The following SLC28A3 variants were observed in gnomAD, a reference collection of about 807,000 sequenced individuals.
The protein encoded by SLC28A3 is solute carrier family 28 member 3, also known as concentrative Na(+)-nucleoside cotransporter 3.
SLC28A3 carries 68 observed loss-of-function variants against 84.2 expected under a neutral mutation model. The observed-to-expected ratio is 0.81, with a 90% CI of 0.66 to 0.99. The LOEUF is 0.99. Among genes scored for constraint, SLC28A3 ranks in the 50% least tolerant of loss-of-function variants. SLC28A3 has a pLI of 0.00. For missense variants in SLC28A3, 712 were observed against 841.5 expected, an observed-to-expected ratio of 0.85 and a Z score of 1.90; for synonymous variants, 267 against 303.6, an observed-to-expected ratio of 0.88 and a Z score of 1.25.
At chr9:84,326,909 G>A (rs1339958565) in intron 1 of SLC28A3, among the ~76,000 whole-genome samples, 1 of 152,080 alleles carries the variant, frequency 6.6e-6, no homozygotes, top group Non-Finnish European at 1.5e-5. Context: ...GGAGGCTGAG[G>A]CAGGAGAATC....
At position 84,285,444 on chromosome 9, in the gene SLC28A3, G is replaced by A; in HGVS notation, c.1548C>T (p.Phe516=). ...GCTCATAAGCCACAAATTCATTGAA[G>A]AAGGTCTTATAACCTATGAGTCTGG... The part of the protein sequence containing the change: ...MVARLIGYKT[F]FNEFVAYEHL... Residue 516 remains phenylalanine, a synonymous_variant, in exon 14 of 18, where the codon TTC becomes TTT. Transcript: ENST00000376238. 1 of 1,614,188 alleles carries A rather than the reference G, an allele frequency of 6.2e-7. No homozygotes were observed. Among genetic ancestry groups the A allele is most frequent in the Non-Finnish European group, 8.5e-7 (1 of 1,180,022 alleles).
intron 2 of SLC28A3, among the ~76,000 whole-genome samples, chr9:84,311,121 A>G (rs1825974878): frequency 6.6e-6 from 1 of 151,968 alleles, no homozygotes; most frequent in Non-Finnish European, 1.5e-5. Context: ...CACCCTGCCC[A>G]CTTCTCTACC....
chr9:84,278,348 G>A lies in SLC28A3; in HGVS notation c.1950-4C>T, dbSNP rs1421671587. 1 of 1,613,700 alleles carries A rather than the reference G, an allele frequency of 6.2e-7. No individual in the cohort carries two copies. Among genetic ancestry groups the A allele is most frequent in the African/African-American group, 1.3e-5 (1 of 74,902 alleles). On this transcript the variant is annotated splice_polypyrimidine_tract_variant and splice_region_variant and intron_variant, in intron 17 of 17. Transcript: ENST00000376238. ...ACCAGGACCCTTGGCAACAGTGCTG[G>A]TGGAAAGTGGAAAGAAACAGTTACA...
Position 84,298,866 on chromosome 9 carries a change from C to T in SLC28A3, c.669+715G>A, listed in dbSNP as rs11140500. 0.026 allele frequency among the ~76,000 whole-genome samples: 4,005 copies of T among 152,228 alleles called. 293 individuals carry two copies. The East Asian group carries it at 0.26, about 10-fold the overall frequency. ...ACCCAGGATGTGCAGCAGGAATGGA[C>T]GATCATTTGCTTTCATCTGTGGTGC... is the stretch of plus-strand genomic sequence containing the variant. On this transcript the variant is annotated intron_variant, in intron 6 of 17. Transcript: ENST00000376238.
At chr9:84,344,998 G>A (rs12346175), upstream of SLC28A3, among the ~76,000 whole-genome samples, 8,208 of 152,168 alleles carry the variant, frequency 0.054, 448 homozygotes, top group East Asian at 0.17. Flanking sequence ...CAGAATAAAT[G>A]TCTTCAAATA....
intron 3 of SLC28A3, among the ~76,000 whole-genome samples, chr9:84,307,728 G>A (rs1255519097): frequency 6.6e-6 from 1 of 152,164 alleles, no homozygotes; most frequent in African/African-American, 2.4e-5. Flanking sequence ...CATTTAATAG[G>A]GTACATTCAC....
chr9:84,362,224 C>A, the SLC28A3 span, among the ~76,000 whole-genome samples: 1 of 152,122 alleles, frequency 6.6e-6, no homozygotes, highest in Non-Finnish European at 1.5e-5. Context: ...GGGAAAGGGG[C>A]AAGTCTGGGG....
the SLC28A3 span, among the ~76,000 whole-genome samples, chr9:84,353,510 G>A: frequency 6.6e-6 from 1 of 152,164 alleles, no homozygotes; most frequent in Non-Finnish European, 1.5e-5. Flanking sequence ...AGGAGTTCGA[G>A]GCCAGCATGG....
intron 1 of SLC28A3, among the ~76,000 whole-genome samples, chr9:84,330,008 AC>A (rs1457240101): frequency 1.1e-4 from 16 of 152,212 alleles, no homozygotes; most frequent in Admixed American, 3.3e-4. Flanking sequence ...CCAATCTTCT[AC>A]TGTAATGAAC....
chr9:84,323,018 TTTTA>T lies in SLC28A3; in HGVS notation c.61-9568_61-9565del, dbSNP rs1826427942. On this transcript the variant is annotated intron_variant, in intron 1 of 17. Transcript: ENST00000376238. Reference sequence around the variant, plus strand: ...TGGCAGGGACCTAAGGGATTTGAGGTTTTATTTATTTATTTTTTTATATTTTGCT... The same window carrying T: ...TGGCAGGGACCTAAGGGATTTGAGGTTTTATTTATTTTTTTATATTTTGCT... Among the ~76,000 whole-genome samples, 3 of 151,810 alleles carry T rather than the reference TTTTA, an allele frequency of 2.0e-5. No individual in the cohort carries two copies. The South Asian group carries it at 6.2e-4, about 32-fold the overall frequency.
chr9:84,278,896 A>G (rs1179476991), intron 17 of SLC28A3, among the ~76,000 whole-genome samples: 1 of 150,042 alleles, frequency 6.7e-6, no homozygotes, highest in Non-Finnish European at 1.5e-5. Context: ...AAAAAAAAAG[A>G]TAGTGCCCAA....
chr9:84,347,925 G>A, the SLC28A3 span, among the ~76,000 whole-genome samples: 2 of 152,160 alleles, frequency 1.3e-5, no homozygotes, highest in Admixed American at 6.5e-5. Context: ...GGGAATATGT[G>A]TGAGTTCAAA....
At chr9:84,289,081 C>T (rs917055184) in intron 11 of SLC28A3, among the ~76,000 whole-genome samples, 2 of 152,164 alleles carry the variant, frequency 1.3e-5, no homozygotes, top group Non-Finnish European at 2.9e-5. Context: ...CACATGGTTT[C>T]TGGATTCTCT....
rs1341086085 is a variant in SLC28A3, at chr9:84,297,254, A to G, written c.828T>C (p.Gly276=). 1.2e-6 allele frequency: 2 copies of G among 1,613,716 alleles called. No individual in the cohort carries two copies. Among genetic ancestry groups the G allele is most frequent in the East Asian group, 4.5e-5 (2 of 44,884 alleles). ...YTDAGASFVF[G]EKYKDHFFAF... ...CAAAGAAGTGGTCTTTGTATTTCTC[A>G]CCAAAGACAAATGAAGCACCAGCAT... The change falls in exon 8 of 18, where the codon GGT becomes GGC. Residue 276 remains glycine (G), a synonymous_variant. Transcript: ENST00000376238.
chr9:84,327,550 G>T (rs1826611898), intron 1 of SLC28A3, among the ~76,000 whole-genome samples: 1 of 152,164 alleles, frequency 6.6e-6, no homozygotes, highest in Admixed American at 6.6e-5. Context: ...TTTGAAGGGG[G>T]TAAAATGAGA....
intron 8 of SLC28A3, among the ~76,000 whole-genome samples, chr9:84,295,278 T>G (rs545742644): frequency 9.2e-5 from 14 of 152,312 alleles, no homozygotes; most frequent in African/African-American, 3.1e-4. Context: ...ACTTTAGTTC[T>G]GTGTTAAAGG....
At chr9:84,344,135 A>G (rs994726668), upstream of SLC28A3, among the ~76,000 whole-genome samples, 1 of 150,542 alleles carries the variant, frequency 6.6e-6, no homozygotes, top group African/African-American at 2.4e-5. Context: ...ATTATGATCT[A>G]AGGGGTCTGG....
chr9:84,301,248 G>T (rs951054123), intron 5 of SLC28A3, among the ~76,000 whole-genome samples: 1 of 150,506 alleles, frequency 6.6e-6, no homozygotes, highest in African/African-American at 2.4e-5. Context: ...TATTTGGGAG[G>T]CTGAGGCACG....
chr9:84,295,629 T>C (rs1450102988), intron 8 of SLC28A3, among the ~76,000 whole-genome samples: 1 of 151,480 alleles, frequency 6.6e-6, no homozygotes, highest in Non-Finnish European at 1.5e-5. Context: ...CAAAAAACCA[T>C]TGCATTTTCC....
Sources: allele counts gnomAD v4.1 joint callset (sites outside exome capture counted in the v4.1 genomes callset), GRCh38; gene constraint gnomAD v4.1.1; transcripts MANE v1.5; gene names NCBI Gene and HGNC (gene_info 2026-07-23, HGNC 2026-07-21).